TFEB: variants seen among roughly 807,000 people sequenced by gnomAD.
The protein encoded by TFEB is transcription factor EB.
Under a neutral mutation model 48.0 loss-of-function variants are expected in TFEB, and 12 were observed. The ratio of observed to expected loss-of-function variants is 0.25; its 90% CI spans 0.16 to 0.40. The LOEUF (loss-of-function observed/expected upper bound fraction) is 0.40, where lower values mean the gene tolerates loss of function less well. TFEB is among the 10% of genes least tolerant of loss of function. The pLI, the probability that TFEB is intolerant of heterozygous loss-of-function variation, is 1.00. For synonymous variants in TFEB, 244 were observed against 261.4 expected, an observed-to-expected ratio of 0.93 and a Z score of 0.64; for missense variants, 509 against 640.3, an observed-to-expected ratio of 0.79 and a Z score of 2.21.
intron 1 of TFEB, among the ~76,000 whole-genome samples, chr6:41,693,299 A>C (rs1271007100): frequency 1.3e-5 from 2 of 152,212 alleles, no homozygotes; most frequent in African/African-American, 2.4e-5. Context: ...ACTTGAATTT[A>C]TTTGAGCATT....
chr6:41,691,091 T>C lies in TFEB; in HGVS notation c.123A>G (p.Gln41=), dbSNP rs930106228. 1 of 1,577,164 alleles carries C rather than the reference T, an allele frequency of 6.3e-7. No individual in the cohort carries two copies. The highest frequency in any genetic ancestry group is 1.3e-5 in the African/African-American group (1 of 74,174). The part of the protein sequence containing the change: ...MHYMQQQQQQ[Q]QQQLGGPPTP... Reference sequence around the variant, plus strand: ...TGGGCGGCCCTCCGAGCTGCTGCTGTTGCTGCTGCTGCTGCTGCTGCATGT... The same window carrying C: ...TGGGCGGCCCTCCGAGCTGCTGCTGCTGCTGCTGCTGCTGCTGCTGCATGT... The change falls in exon 2 of 9, where the codon CAA becomes CAG. Residue 41 remains glutamine, a synonymous_variant. Transcript: ENST00000373033. The surrounding 1 kb of genome is among the most constrained non-coding windows in gnomAD (Gnocchi z 5.2).
At position 41,730,254 on chromosome 6, in the gene TFEB, C is replaced by T. The variant is rs138128245; in HGVS notation, c.-23+5096G>A. Among the ~76,000 whole-genome samples the T allele has an allele frequency of 6.6e-6, 1 of 152,286 alleles. No homozygotes were observed. The highest frequency in any genetic ancestry group is 2.4e-5 in the African/African-American group (1 of 41,548). On this transcript the variant is annotated intron_variant, in intron 1 of 8. Transcript: ENST00000373033. The surrounding 1 kb of genome is among the most constrained non-coding windows in gnomAD (Gnocchi z 4.1). ...CAGTAAGATGGAACAGTGCCCCGGT[C>T]TCTCTGAAATGTGTGCCCTGATGGA...
chr6:41,734,801 GCCCCCCCATCA>G lies in TFEB; in HGVS notation c.-23+538_-23+548del. 2 of 703,312 alleles carry G rather than the reference GCCCCCCCATCA, an allele frequency of 2.8e-6. No homozygotes were observed. The highest frequency in any genetic ancestry group is 3.5e-6 in the Non-Finnish European group (2 of 572,672). The allele number at this position is 703,312 out of a possible 1,614,324, so 43.6% of individuals were successfully genotyped here. A position where few individuals can be genotyped will look rare whatever the true frequency, so the allele number is the denominator to read the frequency against. ...GGAGGGAGAGATGGTACTTCCACCC[GCCCCCCCATCA>G]GCCCAGCCCCCGGGGCGTGGCGCCG... On this transcript the variant is annotated intron_variant, in intron 1 of 8. Transcript: ENST00000373033. The surrounding 1 kb of genome is among the most constrained non-coding windows in gnomAD (Gnocchi z 4.0).
chr6:41,731,534 T>G (rs556677429), intron 1 of TFEB, among the ~76,000 whole-genome samples: 30 of 152,242 alleles, frequency 2.0e-4, no homozygotes, highest in African/African-American at 6.3e-4. Flanking sequence ...TGGCAAAGAT[T>G]TGTAGAAGGT....
chr6:41,684,307 C>A lies in TFEB; in HGVS notation c.*292G>T. ...AGACAGGGAATCTCCACCAGGCCCT[C>A]TTCTCACCTCTAGAACACCCTGCCC... On this transcript the variant is annotated 3_prime_UTR_variant, in exon 9 of 9. Coordinates refer to ENST00000373033, the MANE Select transcript of TFEB (RefSeq NM_001271944.2). The A allele has an allele frequency of 3.1e-6, 1 of 326,614 alleles. No homozygotes were observed. The highest frequency in any genetic ancestry group is 5.6e-6 in the Non-Finnish European group (1 of 179,882). 20.2% of individuals were successfully genotyped at this position (326,614 alleles called of 1,614,324 possible).
At chr6:41,696,615 AC>A (rs1339845038) in intron 1 of TFEB, among the ~76,000 whole-genome samples, 1 of 151,902 alleles carries the variant, frequency 6.6e-6, no homozygotes, top group African/African-American at 2.4e-5. Flanking sequence ...AATCGCTTGA[AC>A]CCGGGAGGCA....
intron 1 of TFEB, 100 bp downstream of exon 1, chr6:41,735,250 C>T: frequency 2.1e-6 from 2 of 956,874 alleles, no homozygotes; most frequent in Non-Finnish European, 2.5e-6. Flanking sequence ...GCATCCCCCA[C>T]CCTCCCACCT....
At chr6:41,709,625 G>T (rs888333901) in intron 1 of TFEB, among the ~76,000 whole-genome samples, 1 of 151,922 alleles carries the variant, frequency 6.6e-6, no homozygotes, top group Non-Finnish European at 1.5e-5. Flanking sequence ...TGGATATAAT[G>T]GTGGGTGGAT....
intron 2 of TFEB, 35 bp downstream of exon 2, chr6:41,690,966 G>C (rs1166449312): frequency 6.4e-7 from 1 of 1,567,904 alleles, no homozygotes; most frequent in East Asian, 2.3e-5. Flanking sequence ...GGACTAGTGG[G>C]GACAGGGTGG....
At chr6:41,695,100 T>C (rs548320511) in intron 1 of TFEB, among the ~76,000 whole-genome samples, 2 of 152,358 alleles carry the variant, frequency 1.3e-5, no homozygotes, top group African/African-American at 4.8e-5. Flanking sequence ...CCCTACTGGC[T>C]AGGCGACTTC....
At chr6:41,696,531 A>T (rs964643073) in intron 1 of TFEB, among the ~76,000 whole-genome samples, 21 of 151,956 alleles carry the variant, frequency 1.4e-4, no homozygotes, top group African/African-American at 4.6e-4. Context: ...CATCTCTATT[A>T]AAAAATACAA....
chr6:41,721,409 C>G (rs1320103335), intron 1 of TFEB, among the ~76,000 whole-genome samples: 1 of 148,050 alleles, frequency 6.8e-6, no homozygotes, highest in Non-Finnish European at 1.5e-5. Context: ...ACACACGAAA[C>G]ATGTTCTACA....
chr6:41,729,343 G>A (rs1771358264), intron 1 of TFEB, among the ~76,000 whole-genome samples: 1 of 152,102 alleles, frequency 6.6e-6, no homozygotes, highest in Non-Finnish European at 1.5e-5. Flanking sequence ...TCTGGGAGAG[G>A]AAAGGAAAAG....
At chr6:41,708,239 C>T (rs900663170) in intron 1 of TFEB, among the ~76,000 whole-genome samples, 21 of 152,184 alleles carry the variant, frequency 1.4e-4, no homozygotes, top group Admixed American at 1.0e-3. Context: ...GTGGAACTGG[C>T]GACTGGGGAA....
intron 1 of TFEB, chr6:41,735,102 GGCCCGC>G: frequency 1.0e-6 from 1 of 983,752 alleles, no homozygotes; most frequent in Non-Finnish European, 1.2e-6. Context: ...AGCCGCCCCC[GGCCCGC>G]GCCTGAAGGG....
At chr6:41,706,295 G>T (rs969017545) in intron 1 of TFEB, among the ~76,000 whole-genome samples, 1 of 152,210 alleles carries the variant, frequency 6.6e-6, no homozygotes, top group African/African-American at 2.4e-5. Context: ...AATTAACCAG[G>T]TTCCAAAATA....
At chr6:41,716,955 A>G (rs557700881) in intron 1 of TFEB, among the ~76,000 whole-genome samples, 1 of 152,194 alleles carries the variant, frequency 6.6e-6, no homozygotes, top group African/African-American at 2.4e-5. Flanking sequence ...CGTGCACCCT[A>G]CATCACAAGC....
intron 1 of TFEB, among the ~76,000 whole-genome samples, chr6:41,696,523 T>A (rs1313660872): frequency 1.3e-5 from 2 of 151,838 alleles, no homozygotes; most frequent in South Asian, 4.2e-4. Flanking sequence ...TGAAACCCCA[T>A]CTCTATTAAA....
rs536884940 is a variant in TFEB at position 41,707,561 on chromosome 6, C to T, written c.-22-16326G>A. 1.4e-3 allele frequency among the ~76,000 whole-genome samples: 206 copies of T among 152,302 alleles called. 1 individual carries two copies. The highest frequency in any genetic ancestry group is 6.0e-3 in the South Asian group (29 of 4,826). On this transcript the variant is annotated intron_variant, in intron 1 of 8. Coordinates refer to ENST00000373033, the MANE Select transcript of TFEB (RefSeq NM_001271944.2). Reference sequence around the variant, plus strand: ...CTCCTGCCCTTCCCCTAGCCCCCACCCCAGAAGGCCTTACCTACACGCCAC... The same window carrying T: ...CTCCTGCCCTTCCCCTAGCCCCCACTCCAGAAGGCCTTACCTACACGCCAC...
Sources: allele counts gnomAD v4.1 joint callset (sites outside exome capture counted in the v4.1 genomes callset), GRCh38; gene constraint gnomAD v4.1.1; non-coding constraint Gnocchi (gnomAD v3.1); transcripts MANE v1.5; gene names NCBI Gene and HGNC (gene_info 2026-07-23, HGNC 2026-07-21).